SEMA6D: variants seen among roughly 807,000 people sequenced by gnomAD.
SEMA6D encodes the protein semaphorin-6D.
In SEMA6D, 35 loss-of-function variants were observed where a neutral mutation model predicts 106.6. That is an observed-to-expected ratio of 0.33 (90% CI 0.25 to 0.44). The LOEUF (loss-of-function observed/expected upper bound fraction) is 0.44, where lower values mean the gene tolerates loss of function less well. SEMA6D is among the 20% of genes least tolerant of loss of function. The pLI is 1.00. For missense variants in SEMA6D, 1,185 were observed against 1,345.9 expected, an observed-to-expected ratio of 0.88 and a Z score of 1.87; for synonymous variants, 499 against 487.7, an observed-to-expected ratio of 1.02 and a Z score of -0.31.
intron 2 of SEMA6D, among the ~76,000 whole-genome samples, chr15:47,465,494 T>C (rs1819258414): frequency 6.6e-6 from 1 of 152,158 alleles, no homozygotes; most frequent in East Asian, 1.9e-4. Flanking sequence ...GCAGTTGATA[T>C]GGTTTGGATT....
intron 4 of SEMA6D, among the ~76,000 whole-genome samples, chr15:47,650,501 A>G (rs1331333492): frequency 2.6e-5 from 4 of 152,222 alleles, no homozygotes; most frequent in African/African-American, 9.6e-5. Context: ...TTCTAGGCAT[A>G]GCTGACACCA....
intron 2 of SEMA6D, among the ~76,000 whole-genome samples, chr15:47,464,356 C>A (rs1476024869): frequency 2.6e-5 from 4 of 152,060 alleles, no homozygotes; most frequent in Admixed American, 1.3e-4. Flanking sequence ...TCAGCCCCTG[C>A]AGCACCCCCA....
chr15:47,454,221 C>T lies in SEMA6D; in HGVS notation c.-158-16253C>T, dbSNP rs114662242. Among the ~76,000 whole-genome samples, 953 of 151,982 alleles carry T rather than the reference C, an allele frequency of 6.3e-3. 13 individuals are homozygous for T. The highest frequency in any genetic ancestry group is 0.022 in the African/African-American group (918 of 41,492). ...TGCTTTCTTCAAGTTTATAATACAC[C>T]TAAAAATTTATGGTTTAGTTTTAAT... On this transcript the variant is annotated intron_variant, in intron 2 of 19. Transcript: ENST00000558014.
At chr15:47,224,385 T>C (rs150743424) in intron 1 of SEMA6D, among the ~76,000 whole-genome samples, 1 of 152,148 alleles carries the variant, frequency 6.6e-6, no homozygotes, top group Non-Finnish European at 1.5e-5. Flanking sequence ...ATTGCACCCA[T>C]TGGGCACTTA....
At chr15:47,446,377 G>A (rs2042029865) in intron 2 of SEMA6D, among the ~76,000 whole-genome samples, 1 of 152,154 alleles carries the variant, frequency 6.6e-6, no homozygotes, top group South Asian at 2.1e-4. Flanking sequence ...GATTATATTT[G>A]TGTTAGTGCA....
chr15:47,323,943 G>A (rs1303170620), intron 1 of SEMA6D, among the ~76,000 whole-genome samples: 1 of 149,242 alleles, frequency 6.7e-6, no homozygotes, highest in Admixed American at 6.6e-5. Context: ...AGAAAAGAAA[G>A]ACAGTAAATT....
chr15:47,302,072 G>A (rs2036046159), intron 1 of SEMA6D, among the ~76,000 whole-genome samples: 1 of 152,098 alleles, frequency 6.6e-6, no homozygotes, highest in Admixed American at 6.6e-5. Flanking sequence ...AGCCCCTACT[G>A]CATACAGTTT....
At chr15:47,325,803 C>T (rs575853760) in intron 1 of SEMA6D, among the ~76,000 whole-genome samples, 2 of 152,230 alleles carry the variant, frequency 1.3e-5, no homozygotes, top group East Asian at 3.9e-4. Context: ...ATTGATATTT[C>T]ATTTGCCTTT....
chr15:47,365,898 AG>A, intron 1 of SEMA6D, among the ~76,000 whole-genome samples: 2 of 50,110 alleles, frequency 4.0e-5, no homozygotes, highest in South Asian at 7.1e-4. Flanking sequence ...GAGGAGAGAG[AG>A]AGAGAGAGAG....
chr15:47,615,661 G>T (rs1354510219), intron 4 of SEMA6D, among the ~76,000 whole-genome samples: 1 of 152,290 alleles, frequency 6.6e-6, no homozygotes, highest in South Asian at 2.1e-4. Flanking sequence ...TGAATAGTTG[G>T]CTTCGGGACC....
chr15:47,257,728 T>G (rs2033882047), intron 1 of SEMA6D, among the ~76,000 whole-genome samples: 1 of 151,620 alleles, frequency 6.6e-6, no homozygotes, highest in African/African-American at 2.4e-5. Context: ...ACATGAGAAC[T>G]TGAAAAAAAA....
chr15:47,351,328 T>G (rs190053277), intron 1 of SEMA6D, among the ~76,000 whole-genome samples: 21 of 152,346 alleles, frequency 1.4e-4, no homozygotes, highest in Admixed American at 7.8e-4. Flanking sequence ...AATTGAGTTC[T>G]AAAGGTTAAT....
chr15:47,768,833 T>C (rs1026447489), intron 18 of SEMA6D, 85 bp downstream of exon 18: 1 of 1,347,538 alleles, frequency 7.4e-7, no homozygotes, highest in African/African-American at 1.5e-5. Context: ...TCTCCAGAGG[T>C]GGGCCTCACA....
At chr15:47,688,092 T>C (rs965393066) in intron 4 of SEMA6D, among the ~76,000 whole-genome samples, 2 of 151,984 alleles carry the variant, frequency 1.3e-5, no homozygotes, top group African/African-American at 4.8e-5. Context: ...ACTAAAACCA[T>C]GGGAATAAAT....
At chr15:47,419,471 T>TG (rs1265273794) in intron 2 of SEMA6D, among the ~76,000 whole-genome samples, 2 of 152,030 alleles carry the variant, frequency 1.3e-5, no homozygotes, top group African/African-American at 4.8e-5. Context: ...AACTGGAGGA[T>TG]GGTGGAGGAA....
intron 1 of SEMA6D, among the ~76,000 whole-genome samples, chr15:47,260,126 T>C (rs1016268467): frequency 4.6e-5 from 7 of 152,114 alleles, no homozygotes; most frequent in Non-Finnish European, 1.0e-4. Flanking sequence ...TTATAATTGA[T>C]TTTTTAAAAA....
chr15:47,220,588 T>C (rs1275434999), intron 1 of SEMA6D, among the ~76,000 whole-genome samples: 1 of 152,156 alleles, frequency 6.6e-6, no homozygotes, highest in Non-Finnish European at 1.5e-5. Flanking sequence ...TATAATGAAA[T>C]GGACTCTTTC....
intron 1 of SEMA6D, among the ~76,000 whole-genome samples, chr15:47,289,393 C>CAAAA (rs746946975): frequency 8.2e-4 from 38 of 46,462 alleles, no homozygotes; most frequent in South Asian, 1.9e-3. Context: ...AACTCCATCT[C>CAAAA]AAAAAAAAAA....
chr15:47,718,741 A>G (rs763019604), intron 1 of SEMA6D: 4 of 152,250 alleles, frequency 2.6e-5, no homozygotes, highest in Admixed American at 1.3e-4. Context: ...CTCCCCATCA[A>G]TTATGGATGG....
Sources: allele counts gnomAD v4.1 joint callset (sites outside exome capture counted in the v4.1 genomes callset), GRCh38; gene constraint gnomAD v4.1.1; transcripts MANE v1.5; gene names NCBI Gene and HGNC (gene_info 2026-07-23, HGNC 2026-07-21).